The following FRMD3 variants were observed in gnomAD, a reference collection of about 807,000 sequenced individuals.
FRMD3 encodes the protein FERM domain containing 3, also known as FERM domain-containing protein 3.
A neutral mutation model predicts 70.2 loss-of-function variants in FRMD3; 33 were observed. The observed-to-expected ratio is 0.47, with a 90% CI of 0.36 to 0.63. The LOEUF is 0.63. Among genes scored for constraint, FRMD3 ranks in the 20% least tolerant of loss-of-function variants. The pLI is 0.00. For missense variants in FRMD3, 632 were observed against 711.4 expected (o/e 0.89, Z 1.27); for synonymous variants, 279 against 255.9 (o/e 1.09, Z -0.86).
chr9:83,275,194 G>A (rs1833756527), intron 13 of FRMD3, among the ~76,000 whole-genome samples: 2 of 152,206 alleles, frequency 1.3e-5, no homozygotes, highest in Admixed American at 6.5e-5. Context: ...CGGCATGGAG[G>A]TCAGGATCAC....
At chr9:83,341,991 C>T (rs919454750) in intron 5 of FRMD3, among the ~76,000 whole-genome samples, 2 of 151,684 alleles carry the variant, frequency 1.3e-5, no homozygotes, top group Non-Finnish European at 1.5e-5. Flanking sequence ...CAGCTAATGG[C>T]CCATCAGAAG....
chr9:83,292,152 TAATA>T (rs1268969415), intron 12 of FRMD3, among the ~76,000 whole-genome samples: 1 of 132,286 alleles, frequency 7.6e-6, no homozygotes, highest in East Asian at 2.4e-4. Context: ...AGACCTACAT[TAATA>T]AATACTTTTT....
At chr9:83,325,884 C>T (rs1835994714) in intron 6 of FRMD3, among the ~76,000 whole-genome samples, 1 of 152,152 alleles carries the variant, frequency 6.6e-6, no homozygotes, top group Admixed American at 6.5e-5. Flanking sequence ...TGACTCATGA[C>T]AATTACATGA....
At chr9:83,564,476 C>T in the FRMD3 span, among the ~76,000 whole-genome samples, 2 of 152,200 alleles carry the variant, frequency 1.3e-5, no homozygotes, top group African/African-American at 4.8e-5. Context: ...TACAACCACA[C>T]TGTCTCAACC....
At position 83,444,899 on chromosome 9, in the gene FRMD3, T is replaced by C. The variant is rs115144577; in HGVS notation, c.148-55191A>G. Among the ~76,000 whole-genome samples, 631 of 152,334 alleles carry C rather than the reference T, an allele frequency of 4.1e-3. 10 individuals are homozygous for C. The highest frequency in any genetic ancestry group is 0.014 in the African/African-American group (569 of 41,576). ...TGCTTCCAGGAAGTTCAAAGCCAAA[T>C]GCATGATCCTGCAACAACTATGCCA... On this transcript the variant is annotated intron_variant, in intron 1 of 13. Coordinates refer to ENST00000304195, the MANE Select transcript of FRMD3 (RefSeq NM_174938.6).
chr9:83,520,509 G>C (rs910814421), intron 1 of FRMD3, among the ~76,000 whole-genome samples: 2 of 152,166 alleles, frequency 1.3e-5, no homozygotes, highest in Admixed American at 1.3e-4. Flanking sequence ...CAGTGTGGTA[G>C]CCACTAGCAT....
chr9:83,289,968 T>TG (rs1348402603), intron 13 of FRMD3, among the ~76,000 whole-genome samples: 1 of 152,138 alleles, frequency 6.6e-6, no homozygotes, highest in Non-Finnish European at 1.5e-5. Flanking sequence ...ATAACAAATG[T>TG]GGGGGTTGCA....
chr9:83,419,399 T>G lies in FRMD3; in HGVS notation c.148-29691A>C, dbSNP rs558136648. On this transcript the variant is annotated intron_variant, in intron 1 of 13. Coordinates refer to ENST00000304195, the MANE Select transcript of FRMD3 (RefSeq NM_174938.6). ...TCCCCAATCTCTAAAGCAAGTTAGG[T>G]GGGGAGAAGTCATTATAGGCATCAT... Among the ~76,000 whole-genome samples the G allele has an allele frequency of 2.8e-3, 431 of 152,064 alleles. 3 individuals are homozygous for G. The highest frequency in any genetic ancestry group is 9.5e-3 in the African/African-American group (396 of 41,466).
intron 3 of FRMD3, among the ~76,000 whole-genome samples, chr9:83,354,260 C>T (rs776906204): frequency 1.3e-5 from 2 of 152,086 alleles, no homozygotes; most frequent in Non-Finnish European, 1.5e-5. Context: ...CCTAAGTGCC[C>T]ATCAATGGTG....
intron 1 of FRMD3, among the ~76,000 whole-genome samples, chr9:83,403,799 G>T (rs1826021827): frequency 6.6e-6 from 1 of 152,102 alleles, no homozygotes; most frequent in South Asian, 2.1e-4. Context: ...GCCTTATTTG[G>T]TCGAATGACC....
intron 2 of FRMD3, among the ~76,000 whole-genome samples, chr9:83,383,682 A>T (rs1456389550): frequency 2.0e-5 from 3 of 152,204 alleles, no homozygotes; most frequent in African/African-American, 7.2e-5. Flanking sequence ...CCAACACAGG[A>T]AAAACTTCTT....
At chr9:83,462,326 A>T (rs902061175) in intron 1 of FRMD3, among the ~76,000 whole-genome samples, 1 of 152,146 alleles carries the variant, frequency 6.6e-6, no homozygotes, top group Non-Finnish European at 1.5e-5. Flanking sequence ...AGGTTATGCC[A>T]AGGTCCTACG....
At chr9:83,335,432 C>G in intron 6 of FRMD3, 84 bp downstream of exon 6, 1 of 1,388,312 alleles carries the variant, frequency 7.2e-7, no homozygotes, top group East Asian at 2.3e-5. Flanking sequence ...AATATTCCTC[C>G]TTCACGATGT....
At chr9:83,419,715 G>A (rs548614203) in intron 1 of FRMD3, among the ~76,000 whole-genome samples, 12 of 152,118 alleles carry the variant, frequency 7.9e-5, no homozygotes, top group African/African-American at 2.7e-4. Flanking sequence ...TGTGTGCTAT[G>A]TACTGGGGTA....
chr9:83,435,596 G>A (rs1409959663), intron 1 of FRMD3, among the ~76,000 whole-genome samples: 1 of 151,840 alleles, frequency 6.6e-6, no homozygotes, highest in African/African-American at 2.4e-5. Flanking sequence ...TTCTTGGCAT[G>A]AATTATTTTA....
Position 83,310,555 on chromosome 9 carries a change from A to G in FRMD3, c.774-7T>C. On this transcript the variant is annotated splice_region_variant and splice_polypyrimidine_tract_variant and intron_variant, in intron 8 of 13. Coordinates refer to ENST00000304195, the MANE Select transcript of FRMD3 (RefSeq NM_174938.6). Reference sequence around the variant, plus strand: ...CAATTTGCAGACATCTGGCCTAAGAAAAGAAAATCTCTGGGTAAGAAGAAA... The same window carrying G: ...CAATTTGCAGACATCTGGCCTAAGAGAAGAAAATCTCTGGGTAAGAAGAAA... 6.3e-7 allele frequency: 1 copy of G among 1,587,796 alleles called. No individual in the cohort carries two copies. The highest frequency in any genetic ancestry group is 8.5e-7 in the Non-Finnish European group (1 of 1,173,068).
intron 6 of FRMD3, among the ~76,000 whole-genome samples, chr9:83,328,011 C>A (rs1234076594): frequency 6.6e-6 from 1 of 152,112 alleles, no homozygotes; most frequent in Non-Finnish European, 1.5e-5. Context: ...ATGAAAGAGA[C>A]AGTGGTAACA....
intron 13 of FRMD3, among the ~76,000 whole-genome samples, chr9:83,284,044 G>A (rs1424119915): frequency 6.6e-6 from 1 of 150,414 alleles, no homozygotes; most frequent in Non-Finnish European, 1.5e-5. Context: ...CTCTACGAGG[G>A]GGCAAGCTAG....
At chr9:83,445,415 C>A (rs1160219000) in intron 1 of FRMD3, among the ~76,000 whole-genome samples, 2 of 151,960 alleles carry the variant, frequency 1.3e-5, no homozygotes, top group Admixed American at 6.6e-5. Flanking sequence ...CTGACAGCAG[C>A]CACACCAGAG....
Sources: gnomAD v4.1 joint callset for allele counts (sites outside exome capture counted in the v4.1 genomes callset) on GRCh38, gnomAD v4.1.1 for gene constraint, MANE v1.5 for transcripts, NCBI Gene and HGNC (gene_info 2026-07-23, HGNC 2026-07-21) for gene names.